The following DEFB116 variants were observed in gnomAD, a reference collection of about 807,000 sequenced individuals.
DEFB116 encodes the protein defensin beta 116, also known as beta-defensin 116.
DEFB116 carries 5 observed loss-of-function variants against 2.8 expected under a neutral mutation model. That is an observed-to-expected ratio of 1.80 (90% CI 0.94 to 3.79). The LOEUF is 3.79. DEFB116 is among the 30% of genes most tolerant of loss of function. DEFB116 has a pLI of 0.00. For missense variants in DEFB116, 170 were observed against 118.0 expected (o/e 1.44, Z -2.04); for synonymous variants, 56 against 40.8 (o/e 1.37, Z -1.42).
chr20:31,303,532 C>T, intron 1 of DEFB116, 79 bp from the exon 2 acceptor site: 1 of 1,551,644 alleles, frequency 6.4e-7, no homozygotes. Context: ...AGGAACACGC[C>T]CTAAGACTAT....
At chr20:31,308,242 T>TAAGC (rs1358919296) in intron 1 of DEFB116, among the ~76,000 whole-genome samples, 1 of 152,078 alleles carries the variant, frequency 6.6e-6, no homozygotes, top group East Asian at 1.9e-4. Flanking sequence ...ACTCATGAAT[T>TAAGC]AAGCCCCCAT....
intron 1 of DEFB116, among the ~76,000 whole-genome samples, chr20:31,304,631 G>A (rs1480399373): frequency 2.0e-5 from 3 of 152,006 alleles, no homozygotes; most frequent in Non-Finnish European, 2.9e-5. Flanking sequence ...CAGAGAAGAC[G>A]GCATCATCCT....
chr20:31,305,137 C>G (rs1039098789), intron 1 of DEFB116, among the ~76,000 whole-genome samples: 1 of 152,080 alleles, frequency 6.6e-6, no homozygotes, highest in East Asian at 1.9e-4. Context: ...CATCCATGCT[C>G]CAGCACAATG....
At chr20:31,303,900 C>T (rs1984937988) in intron 1 of DEFB116, among the ~76,000 whole-genome samples, 2 of 152,094 alleles carry the variant, frequency 1.3e-5, no homozygotes, top group African/African-American at 4.8e-5. Context: ...CAGAGGCAGC[C>T]AGGATCTACT....
rs117458555 is a variant in DEFB116 at position 31,307,934 on chromosome 20, G to T, written c.67+585C>A. Reference sequence around the variant, plus strand: ...TCCAAGCCACCCAACCCCATTCACAGCATCAATCTAAAACACAACCCAGCT... The same window carrying T: ...TCCAAGCCACCCAACCCCATTCACATCATCAATCTAAAACACAACCCAGCT... On this transcript the variant is annotated intron_variant, in intron 1 of 1. Coordinates refer to ENST00000400549, the MANE Select transcript of DEFB116 (RefSeq NM_001037731.1). Among the ~76,000 whole-genome samples the T allele has an allele frequency of 5.3e-3, 809 of 151,566 alleles. 3 individuals are homozygous for T. Among genetic ancestry groups the T allele is most frequent in the Non-Finnish European group, 8.6e-3 (581 of 67,842 alleles).
At chr20:31,304,582 C>A (rs192256528) in intron 1 of DEFB116, among the ~76,000 whole-genome samples, 1 of 152,200 alleles carries the variant, frequency 6.6e-6, no homozygotes, top group East Asian at 1.9e-4. Flanking sequence ...AGCCTATGCT[C>A]TTTTCTCTCT....
In DEFB116 at chr20:31,303,457, G is replaced by T; in HGVS notation, c.68-4C>A. ...TTGTGGGATCTGAACAGGCCACCTG[G>T]GAAAGACATGGCCATGTTTAGTTTC... On this transcript the variant is annotated splice_polypyrimidine_tract_variant and splice_region_variant and intron_variant, in intron 1 of 1. Transcript: ENST00000400549. The T allele has an allele frequency of 6.2e-7, 1 of 1,612,782 alleles. No individual in the cohort carries two copies. The highest frequency in any genetic ancestry group is 8.5e-7 in the Non-Finnish European group (1 of 1,179,310).
intron 1 of DEFB116, among the ~76,000 whole-genome samples, chr20:31,306,316 T>A (rs1780645069): frequency 6.6e-6 from 1 of 152,170 alleles, no homozygotes; most frequent in Non-Finnish European, 1.5e-5. Context: ...AAGTCTTGGC[T>A]TTCAAACAGT....
Position 31,303,556 on chromosome 20 carries a change from T to A in DEFB116, c.68-103A>T, listed in dbSNP as rs1231363913. 5 of 1,475,930 alleles carry A rather than the reference T, an allele frequency of 3.4e-6. No individual in the cohort carries two copies. In the African/African-American group the frequency reaches 5.7e-5, roughly 17 times the overall value. 91.4% of individuals were successfully genotyped at this position (1,475,930 alleles called of 1,614,324 possible). ...CCCTAAGACTATTAAGGGCACAAGA[T>A]CTGGAATCAAAACTACCTAGATTCA... On this transcript the variant is annotated intron_variant, in intron 1 of 1. Coordinates refer to ENST00000400549, the MANE Select transcript of DEFB116 (RefSeq NM_001037731.1).
chr20:31,307,724 T>A (rs981231888), intron 1 of DEFB116, among the ~76,000 whole-genome samples: 2 of 152,064 alleles, frequency 1.3e-5, no homozygotes, highest in African/African-American at 4.8e-5. Flanking sequence ...TGTGATGAAT[T>A]CAACTGTCTT....
intron 1 of DEFB116, among the ~76,000 whole-genome samples, chr20:31,307,044 A>C (rs1213108816): frequency 1.3e-5 from 2 of 152,150 alleles, no homozygotes; most frequent in African/African-American, 4.8e-5. Context: ...ATTGGCACAC[A>C]AAAAGCTATA....
Position 31,303,364 on chromosome 20 carries a change from C to G in DEFB116, c.157G>C (p.Glu53Gln), listed in dbSNP as rs976484149. The change falls in exon 2 of 2, where the codon GAA becomes CAA. Residue 53 changes from glutamate to glutamine, a missense_variant. Glu to Gln is a conservative substitution (Grantham distance 29). Coordinates refer to ENST00000400549, the MANE Select transcript of DEFB116 (RefSeq NM_001037731.1). ...CAGGTTAAGTATTGGATTTCATATTCTCTGCAGGCGTTTCTGCACATGCCT... is the reference window on the plus strand; with the variant it reads ...CAGGTTAAGTATTGGATTTCATATTGTCTGCAGGCGTTTCTGCACATGCCT... ...YQGMCRNACR[E>Q]YEIQYLTCPN... The G allele has an allele frequency of 6.2e-7, 1 of 1,613,608 alleles. No individual in the cohort carries two copies. Among genetic ancestry groups the G allele is most frequent in the Non-Finnish European group, 8.5e-7 (1 of 1,179,600 alleles).
rs780955314 is a variant in DEFB116, at chr20:31,303,375, T to C, written c.146A>G (p.Asn49Ser). 1.2e-5 allele frequency: 19 copies of C among 1,613,520 alleles called. No individual in the cohort carries two copies. The highest frequency in any genetic ancestry group is 1.3e-5 in the African/African-American group (1 of 74,884). Reference sequence around the variant, plus strand: ...TTGGATTTCATATTCTCTGCAGGCGTTTCTGCACATGCCTTGGTAAAGCTC... The same window carrying C: ...TTGGATTTCATATTCTCTGCAGGCGCTTCTGCACATGCCTTGGTAAAGCTC... ...PCELYQGMCR[N>S]ACREYEIQYL... The change falls in exon 2 of 2, where the codon AAC becomes AGC. Residue 49 changes from asparagine (N) to serine (S), a missense_variant. Asn to Ser is a conservative substitution (Grantham distance 46, BLOSUM62 1). Coordinates refer to ENST00000400549, the MANE Select transcript of DEFB116 (RefSeq NM_001037731.1).
chr20:31,306,986 G>T (rs1985004642), intron 1 of DEFB116, among the ~76,000 whole-genome samples: 1 of 152,058 alleles, frequency 6.6e-6, no homozygotes, highest in Non-Finnish European at 1.5e-5. Flanking sequence ...TTTTCATCCA[G>T]TGTTTATTCT....
intron 1 of DEFB116, among the ~76,000 whole-genome samples, chr20:31,305,545 A>G (rs1984974000): frequency 6.6e-6 from 1 of 152,130 alleles, no homozygotes; most frequent in Non-Finnish European, 1.5e-5. Context: ...CAGCTTTTCT[A>G]ACCTTAGATT....
At chr20:31,308,150 C>A (rs1985037289) in intron 1 of DEFB116, among the ~76,000 whole-genome samples, 1 of 152,044 alleles carries the variant, frequency 6.6e-6, no homozygotes, top group Non-Finnish European at 1.5e-5. Context: ...CTTACAACCT[C>A]CCCACCTCAA....
intron 1 of DEFB116, among the ~76,000 whole-genome samples, chr20:31,307,018 A>T (rs1240689938): frequency 1.3e-5 from 2 of 152,100 alleles, no homozygotes; most frequent in East Asian, 1.9e-4. Flanking sequence ...TATTTAAATC[A>T]CTTTGTTGAA....
At chr20:31,304,342 C>T (rs1038611277) in intron 1 of DEFB116, among the ~76,000 whole-genome samples, 2 of 151,998 alleles carry the variant, frequency 1.3e-5, no homozygotes, top group African/African-American at 4.8e-5. Flanking sequence ...GACAAAGGAG[C>T]AATTAGAAAG....
intron 1 of DEFB116, among the ~76,000 whole-genome samples, chr20:31,307,318 C>T (rs1456257130): frequency 1.3e-5 from 2 of 152,044 alleles, no homozygotes; most frequent in Admixed American, 1.3e-4. Context: ...ATATTCATGA[C>T]AGTATAGTCT....
Sources: gnomAD v4.1 joint callset for allele counts (sites outside exome capture counted in the v4.1 genomes callset) on GRCh38, gnomAD v4.1.1 for gene constraint, MANE v1.5 for transcripts, NCBI Gene and HGNC (gene_info 2026-07-23, HGNC 2026-07-21) for gene names.